HELZ: variants seen among roughly 807,000 people sequenced by gnomAD.
HELZ encodes ATP-dependent RNA helicase with zinc finger domain.
A neutral mutation model predicts 218.2 loss-of-function variants in HELZ; 23 were observed. The observed-to-expected ratio is 0.11, with a 90% CI of 0.08 to 0.15. The LOEUF is 0.15. HELZ is among the 10% of genes least tolerant of loss of function. HELZ has a pLI of 1.00. For synonymous variants in HELZ, 814 were observed against 829.4 expected, an observed-to-expected ratio of 0.98 and a Z score of 0.32; for missense variants, 1,813 against 2,353.7, an observed-to-expected ratio of 0.77 and a Z score of 4.75.
At chr17:67,101,885 T>A (rs934733103) in intron 31 of HELZ, among the ~76,000 whole-genome samples, 1 of 152,192 alleles carries the variant, frequency 6.6e-6, no homozygotes, top group Non-Finnish European at 1.5e-5. Flanking sequence ...TAAAATCAAA[T>A]TGGAGCAATT....
intron 32 of HELZ, among the ~76,000 whole-genome samples, chr17:67,083,496 C>T (rs1022744600): frequency 2.0e-5 from 3 of 151,926 alleles, no homozygotes; most frequent in Middle Eastern, 3.2e-3. Flanking sequence ...AAAAATTAGG[C>T]GGGCGCCTGT....
In HELZ at chr17:67,193,390, T is replaced by C. The variant is rs368128397; in HGVS notation, c.557+577A>G. The stretch of plus-strand genomic sequence containing the variant: ...AAAAGAAAAACAAAAGGACAGAAAT[T>C]AAGTTCAGCCATAATAATACAACTG... On this transcript the variant is annotated intron_variant, in intron 9 of 32. Transcript: ENST00000358691. Among the ~76,000 whole-genome samples the C allele has an allele frequency of 4.0e-5, 6 of 149,188 alleles. No homozygotes were observed. In the East Asian group the frequency reaches 5.9e-4, roughly 15 times the overall value.
At chr17:67,217,085 A>T (rs993502297) in intron 4 of HELZ, among the ~76,000 whole-genome samples, 9 of 152,150 alleles carry the variant, frequency 5.9e-5, no homozygotes, top group African/African-American at 1.7e-4. Context: ...CCATACGTGC[A>T]TATCTGACTG....
At position 67,109,285 on chromosome 17, in the gene HELZ, T is replaced by A. The variant is rs548586400; in HGVS notation, c.4320A>T (p.Pro1440=). The stretch of plus-strand genomic sequence containing the variant: ...TTACAGCTTCTGCAGGAGGAGACTG[T>A]GGCCGATGAGCAACTGCACTATTAA... ...AFFNSAVAHR[P]QSPPAEAVIP... is the part of the protein sequence containing the mutation. Residue 1440 remains proline, a synonymous_variant, in exon 29 of 33, where the codon CCA becomes CCT. Transcript: ENST00000358691. 4.1e-5 allele frequency: 66 copies of A among 1,614,110 alleles called. No homozygotes were observed. In the Admixed American group the frequency reaches 7.7e-4, roughly 19 times the overall value.
At chr17:67,199,940 T>C (rs1459479870) in intron 7 of HELZ, among the ~76,000 whole-genome samples, 2 of 152,200 alleles carry the variant, frequency 1.3e-5, no homozygotes, top group African/African-American at 4.8e-5. Context: ...AATCCAGTGA[T>C]TTTTCCAGCA....
upstream of HELZ, chr17:67,245,436 C>A: frequency 1.0e-6 from 1 of 966,174 alleles, no homozygotes; most frequent in Non-Finnish European, 1.2e-6. Context: ...CCTGCCCCGG[C>A]CTCCCTGCCC....
chr17:67,149,615 T>C lies in HELZ; in HGVS notation c.2475+252A>G, dbSNP rs1459844557. ...AAGTAAGAATCAGATATTCATACTA[T>C]AAAGAACAGAACTTAAATAAATAAA... is the stretch of plus-strand genomic sequence containing the variant. On this transcript the variant is annotated intron_variant, in intron 19 of 32. Transcript: ENST00000358691. Among the ~76,000 whole-genome samples the C allele has an allele frequency of 3.3e-5, 5 of 152,228 alleles. No homozygotes were observed. In the East Asian group the frequency reaches 9.7e-4, roughly 29 times the overall value.
chr17:67,156,877 T>A (rs1033145069), intron 17 of HELZ, among the ~76,000 whole-genome samples: 5 of 152,194 alleles, frequency 3.3e-5, no homozygotes, highest in Admixed American at 3.3e-4. Context: ...AAATCTCACG[T>A]TGAAATGTAA....
chr17:67,224,794 A>G (rs7214463), intron 3 of HELZ: 37,119 of 1,171,816 alleles, frequency 0.032, 2,389 homozygotes, highest in African/African-American at 0.24. Context: ...ACCCCACAAA[A>G]CGACACAGTA....
rs777700945 is a variant in HELZ at position 67,201,034 on chromosome 17, C to T, written c.429+95G>A. 2.0e-5 allele frequency: 19 copies of T among 938,120 alleles called. No individual in the cohort carries two copies. The South Asian group carries it at 2.3e-4, about 12-fold the overall frequency. The allele number at this position is 938,120 out of a possible 1,614,324, so 58.1% of individuals were successfully genotyped here. The stretch of plus-strand genomic sequence containing the variant: ...CCACCTTCACAGCCTCGCCTTCTGG[C>T]TGATGCCACAATGGTTTTCCAAATT... On this transcript the variant is annotated intron_variant, in intron 7 of 32. Coordinates refer to ENST00000358691, the MANE Select transcript of HELZ (RefSeq NM_014877.4).
At chr17:67,160,639 T>C (rs780707360) in intron 16 of HELZ, among the ~76,000 whole-genome samples, 6 of 152,194 alleles carry the variant, frequency 3.9e-5, no homozygotes, top group South Asian at 4.1e-4. Context: ...CACAATTCCA[T>C]AGCAAACTTG....
chr17:67,233,583 T>C (rs1344123560), intron 3 of HELZ, among the ~76,000 whole-genome samples: 1 of 152,124 alleles, frequency 6.6e-6, no homozygotes, highest in East Asian at 1.9e-4. Flanking sequence ...CTGAGTCCTC[T>C]TAACTTTTCA....
In HELZ at chr17:67,151,184, C is replaced by T; in HGVS notation, c.2218G>A (p.Val740Ile). Residue 740 changes from valine to isoleucine, a missense_variant, in exon 18 of 33, where the codon GTT (valine) becomes ATT (isoleucine). Around this residue, in one of 4 missense-constraint regions of HELZ, gnomAD observed 714 missense variants for 1,029.2 expected, o/e 0.69. Transcript: ENST00000358691. ...RNRWVKTVHPVVHQYCLISSA... is the reference protein window; with the variant it reads ...RNRWVKTVHPIVHQYCLISSA... ...GAGATCAAACAGTACTGATGCACAACTGGGTGGACAGTCTTTACCCAGCGA... is the reference window on the plus strand; with the variant it reads ...GAGATCAAACAGTACTGATGCACAATTGGGTGGACAGTCTTTACCCAGCGA... 1 of 1,613,698 alleles carries T rather than the reference C, an allele frequency of 6.2e-7. No individual in the cohort carries two copies. The highest frequency in any genetic ancestry group is 8.5e-7 in the Non-Finnish European group (1 of 1,179,752).
At chr17:67,130,181 T>C (rs2037933453) in intron 23 of HELZ, among the ~76,000 whole-genome samples, 2 of 152,010 alleles carry the variant, frequency 1.3e-5, no homozygotes, top group Non-Finnish European at 2.9e-5. Flanking sequence ...ATTCAGAAGG[T>C]AGCGGGGTGG....
In HELZ at chr17:67,218,840, G is replaced by A; in HGVS notation, c.-18-18C>T. 6.4e-7 allele frequency: 1 copy of A among 1,565,048 alleles called. No homozygotes were observed. The highest frequency in any genetic ancestry group is 1.7e-4 in the Middle Eastern group (1 of 5,866). ...CAAAAATCCTACAGACAGGGAGAAA[G>A]AACAAGAGAAGGTTTTTTAAACTTA... On this transcript the variant is annotated intron_variant, in intron 3 of 32. Coordinates refer to ENST00000358691, the MANE Select transcript of HELZ (RefSeq NM_014877.4).
In HELZ at chr17:67,218,729, G is replaced by A. The variant is rs1253644615; in HGVS notation, c.76C>T (p.Leu26Phe). ...SLKRQDYEMA[L>F]KHCTEALLSL... ...AGAAGGGCCTCTGTGCAGTGCTTGA[G>A]GGCCATTTCATAGTCCTGCCTCTTA... Residue 26 changes from leucine to phenylalanine, a missense_variant, in exon 4 of 33, where the codon CTC becomes TTC. Transcript: ENST00000358691. 2 of 1,614,184 alleles carry A rather than the reference G, an allele frequency of 1.2e-6. No homozygotes were observed. The highest frequency in any genetic ancestry group is 8.5e-7 in the Non-Finnish European group (1 of 1,180,000).
rs79375532 is a variant in HELZ, at chr17:67,091,442, A to C, written c.5242-4361T>G. Among the ~76,000 whole-genome samples, 243 of 152,254 alleles carry C rather than the reference A, an allele frequency of 1.6e-3. 1 individual carries two copies. Among genetic ancestry groups the C allele is most frequent in the African/African-American group, 5.6e-3 (234 of 41,586 alleles). On this transcript the variant is annotated intron_variant, in intron 31 of 32. Coordinates refer to ENST00000358691, the MANE Select transcript of HELZ (RefSeq NM_014877.4). ...ATGAGGAAAAGTTCTCCTTTATAAA[A>C]GAAAAATAAATACAAAAGAAATTCA...
At position 67,076,600 on chromosome 17, in the gene HELZ, C is replaced by A. The variant is rs2036024968; in HGVS notation, c.*1652G>T. 1 of 152,312 alleles carries A rather than the reference C, an allele frequency of 6.6e-6. No individual in the cohort carries two copies. Among genetic ancestry groups the A allele is most frequent in the African/African-American group, 2.4e-5 (1 of 41,570 alleles). The allele number at this position is 152,312 out of a possible 1,614,324, so 9.4% of individuals were successfully genotyped here. A position where few individuals can be genotyped will look rare whatever the true frequency, so the allele number is the denominator to read the frequency against. Reference sequence around the variant, plus strand: ...CAGCGCTTATCCTGGAGCTTGCTAACCATTAACCAAAGGCACTCTTTTATC... The same window carrying A: ...CAGCGCTTATCCTGGAGCTTGCTAAACATTAACCAAAGGCACTCTTTTATC... On this transcript the variant is annotated 3_prime_UTR_variant, in exon 33 of 33. Coordinates refer to ENST00000358691, the MANE Select transcript of HELZ (RefSeq NM_014877.4).
intron 3 of HELZ, chr17:67,224,532 A>G (rs1333394251): frequency 2.3e-5 from 9 of 383,074 alleles, no homozygotes; most frequent in Non-Finnish European, 4.4e-5. Context: ...GTACCAAATG[A>G]GCTGATAATT....
Sources: gnomAD v4.1 joint callset for allele counts (sites outside exome capture counted in the v4.1 genomes callset) on GRCh38, gnomAD v4.1.1 for gene constraint, gnomAD v4.1.1 regional missense constraint, MANE v1.5 for transcripts, NCBI Gene and HGNC (gene_info 2026-07-23, HGNC 2026-07-21) for gene names.